PWWP2A: variants seen among roughly 807,000 people sequenced by gnomAD.
PWWP2A encodes the protein PWWP domain-containing protein 2A.
In PWWP2A, 18 loss-of-function variants were observed where a neutral mutation model predicts 48.5. That is an observed-to-expected ratio of 0.37 (90% confidence interval 0.26 to 0.55). The LOEUF (loss-of-function observed/expected upper bound fraction) is 0.55. Among genes scored for constraint, PWWP2A ranks in the 20% least tolerant of loss-of-function variants. The pLI is 0.81. For synonymous variants in PWWP2A, 396 were observed against 387.7 expected (o/e 1.02, Z -0.25); for missense variants, 867 against 976.4 (o/e 0.89, Z 1.49).
chr5:160,050,139 A>T, the PWWP2A span, among the ~76,000 whole-genome samples: 7 of 151,242 alleles, frequency 4.6e-5, no homozygotes, highest in Admixed American at 3.3e-4. Flanking sequence ...ACAGAGTAAG[A>T]CTTTGTATCT....
chr5:160,063,088 T>C (rs1310041701), intron 5 of PWWP2A, among the ~76,000 whole-genome samples: 5 of 152,236 alleles, frequency 3.3e-5, no homozygotes. Context: ...CATCCCAGGT[T>C]CTGGGAGCTT....
At chr5:160,089,451 A>C, downstream of PWWP2A, 2 of 963,086 alleles carry the variant, frequency 2.1e-6, no homozygotes, top group Non-Finnish European at 2.7e-6. Context: ...GCCTCAAGCA[A>C]TCATCCCACC....
At chr5:160,101,145 G>A (rs1756239976) in intron 1 of PWWP2A, among the ~76,000 whole-genome samples, 2 of 152,238 alleles carry the variant, frequency 1.3e-5, no homozygotes, top group South Asian at 4.1e-4. Flanking sequence ...GAGGCCAGGA[G>A]TTCAAGACCA....
chr5:160,085,575 C>T (rs1018864929), intron 2 of PWWP2A, among the ~76,000 whole-genome samples: 7 of 140,978 alleles, frequency 5.0e-5, no homozygotes, highest in Admixed American at 7.5e-5. Context: ...GGCGCGATCT[C>T]GGCTCACTGC....
At chr5:160,072,587 C>T (rs1039362756), downstream of PWWP2A, among the ~76,000 whole-genome samples, 1 of 151,902 alleles carries the variant, frequency 6.6e-6, no homozygotes, top group Admixed American at 6.6e-5. Context: ...TTTGTTAGCT[C>T]GGGGTGGTAG....
intron 2 of PWWP2A, among the ~76,000 whole-genome samples, chr5:160,081,085 G>A (rs1754196949): frequency 6.6e-6 from 1 of 152,086 alleles, no homozygotes; most frequent in Non-Finnish European, 1.5e-5. Flanking sequence ...AAGGGGAAAT[G>A]CTAACTCACA....
intron 1 of PWWP2A, chr5:160,113,307 A>T: frequency 7.1e-6 from 7 of 982,344 alleles, no homozygotes; most frequent in Non-Finnish European, 8.5e-6. Context: ...TGTGTTCTCC[A>T]ACCAAATAAA....
In PWWP2A at chr5:160,093,250, G is replaced by C; in HGVS notation, c.1400C>G (p.Ser467Ter). 6.2e-7 allele frequency: 1 copy of C among 1,614,020 alleles called. No individual in the cohort carries two copies. The highest frequency in any genetic ancestry group is 8.5e-7 in the Non-Finnish European group (1 of 1,179,884). The change falls in exon 2 of 2, where the codon TCA becomes TGA. Residue 467 changes from serine (S) to a stop codon, truncating the protein, a stop_gained. Transcript: ENST00000307063. LOFTEE classifies it high-confidence loss of function. The surrounding 1 kb of genome is among the most constrained non-coding windows in gnomAD (Gnocchi z 5.8). ...ACGAACCCGGGGTGGAAGGGAACCT[G>C]AGCTAGGATTCTGATATCGACGTGT... is the stretch of plus-strand genomic sequence containing the variant. ...HFTRRYQNPSSGSLPPRVRLK... is the reference protein window; with the variant it reads ...HFTRRYQNPS
At position 160,064,943 on chromosome 5, in the gene PWWP2A, G is replaced by A. The variant is rs1432933665; in HGVS notation, c.*237-1270C>T. 3.7e-6 allele frequency: 6 copies of A among 1,609,492 alleles called. No homozygotes were observed. The South Asian group carries it at 6.7e-5, about 18-fold the overall frequency. ...CTTTTACATTACAGGTAAATTAAAA[G>A]ATCTTGGGAACTTGGTTCTCCGACC... is the stretch of plus-strand genomic sequence containing the variant. On this transcript the variant is annotated intron_variant and NMD_transcript_variant, in intron 4 of 5. Transcript: ENST00000524050.
At chr5:160,091,169 G>A (rs1755026421), downstream of PWWP2A, 3 of 973,504 alleles carry the variant, frequency 3.1e-6, no homozygotes, top group Non-Finnish European at 1.2e-6. Context: ...AGAATATACT[G>A]ATTCATCTCT....
Position 160,119,210 on chromosome 5 carries a change from G to A in PWWP2A, c.179C>T (p.Ala60Val), listed in dbSNP as rs1048815769. Reference protein sequence around the residue: ...PDGETDGQQSAPQADEPPLPP... With the variant: ...PDGETDGQQSVPQADEPPLPP... ...GAGCGGCGGCTCGTCGGCCTGAGGA[G>A]CGGATTGCTGCCCGTCAGTCTCGCC... The change falls in exon 1 of 2, where the codon GCT becomes GTT. Residue 60 changes from alanine (A) to valine (V), a missense_variant. Ala to Val is a moderately conservative substitution (Grantham distance 64). Transcript: ENST00000307063. 10 of 1,447,208 alleles carry A rather than the reference G, an allele frequency of 6.9e-6. No individual in the cohort carries two copies. Among genetic ancestry groups the A allele is most frequent in the African/African-American group, 1.5e-5 (1 of 67,504 alleles). 89.6% of individuals were successfully genotyped at this position (1,447,208 alleles called of 1,614,324 possible).
chr5:160,093,701 G>A lies in PWWP2A; in HGVS notation c.949C>T (p.Pro317Ser). The stretch of plus-strand genomic sequence containing the variant: ...CATTTATCACACAGAACTTGCCTGG[G>A]TCGTAGTTTAATAGCATTCATTATT... ...TSIMNAIKLR[P>S]RQVLCDKCKN... is the part of the protein sequence containing the mutation. The change falls in exon 2 of 2, where the codon CCC becomes TCC. Residue 317 changes from proline to serine, a missense_variant. By Grantham distance (74) the Pro-to-Ser change is moderately conservative. Around this residue, in one of 4 missense-constraint regions of PWWP2A, gnomAD observed 382 missense variants for 407.2 expected, o/e 0.94. Transcript: ENST00000307063. This position sits in a 1 kb window ranked among gnomAD's most constrained non-coding sequence, Gnocchi z 5.8. The A allele has an allele frequency of 6.2e-7, 1 of 1,613,966 alleles. No homozygotes were observed. Among genetic ancestry groups the A allele is most frequent in the Non-Finnish European group, 8.5e-7 (1 of 1,179,898 alleles).
At chr5:160,052,548 C>CAAA in the PWWP2A span, among the ~76,000 whole-genome samples, 34,562 of 67,878 alleles carry the variant, frequency 0.51, 10,795 homozygotes, top group Non-Finnish European at 0.59. Flanking sequence ...TCTATTTTAG[C>CAAA]AAAAAAAAAA....
Position 160,077,866 on chromosome 5 carries a change from C to A in PWWP2A, c.*289G>T. On this transcript the variant is annotated 3_prime_UTR_variant, in exon 4 of 4. Transcript: ENST00000456329. This position sits in a 1 kb window ranked among gnomAD's most constrained non-coding sequence, Gnocchi z 4.2. ...TCCAAAGAAGTTACTGTCAGTGTTT[C>A]TTCATATATAAAATTCAAGTGAGTT... 2.9e-6 allele frequency: 1 copy of A among 348,918 alleles called. No individual in the cohort carries two copies. Among genetic ancestry groups the A allele is most frequent in the South Asian group, 5.1e-5 (1 of 19,434 alleles). 21.6% of individuals were successfully genotyped at this position (348,918 alleles called of 1,614,324 possible). A position where few individuals can be genotyped will look rare whatever the true frequency, so the allele number is the denominator to read the frequency against.
At chr5:160,067,666 T>C (rs1426291587) in intron 2 of PWWP2A, among the ~76,000 whole-genome samples, 1 of 152,170 alleles carries the variant, frequency 6.6e-6, no homozygotes, top group Non-Finnish European at 1.5e-5. Context: ...AAGCAGTGCA[T>C]TGTCTGGAAA....
downstream of PWWP2A, among the ~76,000 whole-genome samples, chr5:160,074,975 A>G (rs998412531): frequency 6.6e-6 from 1 of 152,040 alleles, no homozygotes; most frequent in Non-Finnish European, 1.5e-5. Context: ...TTGAAAAAGG[A>G]AAAATGAACT....
At chr5:160,089,351 C>A (rs143212236), downstream of PWWP2A, among the ~76,000 whole-genome samples, 4 of 152,152 alleles carry the variant, frequency 2.6e-5, no homozygotes, top group Non-Finnish European at 5.9e-5. Flanking sequence ...TATAGGCGTG[C>A]GCCACCATGC....
chr5:160,093,295 G>A lies in PWWP2A; in HGVS notation c.1355C>T (p.Ala452Val). The A allele has an allele frequency of 6.2e-7, 1 of 1,613,970 alleles. No homozygotes were observed. Among genetic ancestry groups the A allele is most frequent in the Non-Finnish European group, 8.5e-7 (1 of 1,179,892 alleles). Residue 452 changes from alanine (A) to valine (V), a missense_variant, in exon 2 of 2, where the codon GCA becomes GTA. Physicochemically the swap from Ala to Val is moderately conservative, Grantham distance 64. Around this residue, in one of 4 missense-constraint regions of PWWP2A, gnomAD observed 382 missense variants for 407.2 expected, o/e 0.94. Coordinates refer to ENST00000307063, the MANE Select transcript of PWWP2A (RefSeq NM_001130864.2). The surrounding 1 kb of genome is among the most constrained non-coding windows in gnomAD (Gnocchi z 5.8). ...ACGTGTGAAATGGACTTTTGAATGTGCATTTTTGGAAGTAGAGGTTTCATT... is the reference window on the plus strand; with the variant it reads ...ACGTGTGAAATGGACTTTTGAATGTACATTTTTGGAAGTAGAGGTTTCATT... ...KQNETSTSKNAHSKVHFTRRY... is the reference protein window; with the variant it reads ...KQNETSTSKNVHSKVHFTRRY...
the PWWP2A span, among the ~76,000 whole-genome samples, chr5:160,045,518 ACACT>A: frequency 8.1e-4 from 53 of 65,722 alleles, no homozygotes; most frequent in Admixed American, 1.0e-3. Flanking sequence ...ACACACATAC[ACACT>A]CTCTCTCTCT....
Sources: allele counts gnomAD v4.1 joint callset (sites outside exome capture counted in the v4.1 genomes callset), GRCh38; gene constraint gnomAD v4.1.1; regional missense constraint gnomAD v4.1.1; non-coding constraint Gnocchi (gnomAD v3.1); transcripts MANE v1.5; gene names NCBI Gene and HGNC (gene_info 2026-07-23, HGNC 2026-07-21).